Variants in MED28 observed in about 807,000 individuals in gnomAD.
MED28 encodes mediator complex subunit 28.
A neutral mutation model predicts 21.3 loss-of-function variants in MED28; 26 were observed. The ratio of observed to expected loss-of-function variants is 1.22; its 90% CI spans 0.89 to 1.69. The LOEUF (loss-of-function observed/expected upper bound fraction) is 1.69. Ranked by LOEUF, MED28 falls within the 40% of genes most tolerant of loss-of-function variation. MED28 has a pLI of 0.00. For missense variants in MED28, 257 were observed against 215.4 expected (o/e 1.19, Z -1.21); for synonymous variants, 110 against 87.6 (o/e 1.26, Z -1.43).
chr4:17,618,575 G>A (rs1714525299), intron 1 of MED28, among the ~76,000 whole-genome samples: 1 of 152,102 alleles, frequency 6.6e-6, no homozygotes, highest in Non-Finnish European at 1.5e-5. Flanking sequence ...GGAGTGCAGT[G>A]GTGCAGTCTT....
chr4:17,617,345 G>T (rs1714482659), intron 1 of MED28, among the ~76,000 whole-genome samples: 2 of 152,188 alleles, frequency 1.3e-5, no homozygotes, highest in Admixed American at 1.3e-4. Context: ...ATTCCTATTG[G>T]GGTGCCACTC....
rs1553824076 is a variant in MED28 at position 17,614,693 on chromosome 4, A to G, written c.39A>G (p.Pro13=). Residue 13 remains proline (P), a synonymous_variant, in exon 1 of 4, where the codon CCA becomes CCG. Coordinates refer to ENST00000237380, the MANE Select transcript of MED28 (RefSeq NM_025205.5). ...APLGGMFSGQ[P]PGPPQAPPGL... ...TAGGGGGTATGTTTTCTGGGCAGCC[A>G]CCCGGTCCCCCTCAGGCCCCGCCGG... is the stretch of plus-strand genomic sequence containing the variant. The G allele has an allele frequency of 6.2e-7, 1 of 1,613,738 alleles. No individual in the cohort carries two copies. Among genetic ancestry groups the G allele is most frequent in the Admixed American group, 1.7e-5 (1 of 59,902 alleles).
chr4:17,622,634 G>T (rs916841980), intron 3 of MED28, among the ~76,000 whole-genome samples: 1 of 152,242 alleles, frequency 6.6e-6, no homozygotes, highest in Non-Finnish European at 1.5e-5. Context: ...GTTCTCAGCA[G>T]TAGCCTTTGG....
chr4:17,619,860 A>G, intron 1 of MED28, 41 bp from the exon 2 acceptor site: 1 of 1,574,682 alleles, frequency 6.4e-7, no homozygotes, highest in Non-Finnish European at 8.7e-7. Context: ...TTTTTGATGT[A>G]TAAATGATAT....
In MED28 at chr4:17,625,572, G is replaced by GT. The variant is rs1560159267; in HGVS notation, c.*1775dup. The GT allele has an allele frequency of 4.8e-6, 2 of 412,792 alleles. No homozygotes were observed. The highest frequency in any genetic ancestry group is 4.1e-5 in the African/African-American group (2 of 48,614). The allele number at this position is 412,792 out of a possible 1,614,324, so 25.6% of individuals were successfully genotyped here. A position where few individuals can be genotyped will look rare whatever the true frequency, so the allele number is the denominator to read the frequency against. ...CTTAGTGAAAAGATTTTGAATTACTGTACGTACCAGTTGTTGCCATTTCTT... is the reference window on the plus strand; with the variant it reads ...CTTAGTGAAAAGATTTTGAATTACTGTTACGTACCAGTTGTTGCCATTTCTT... On this transcript the variant is annotated 3_prime_UTR_variant, in exon 4 of 4. Coordinates refer to ENST00000237380, the MANE Select transcript of MED28 (RefSeq NM_025205.5).
In MED28 at chr4:17,629,561, TCA is replaced by T. The variant is rs1434821851; in HGVS notation, c.*5764_*5765del. 1 of 152,216 alleles carries T rather than the reference TCA, an allele frequency of 6.6e-6. No individual in the cohort carries two copies. The highest frequency in any genetic ancestry group is 2.4e-5 in the African/African-American group (1 of 41,454). 9.4% of individuals were successfully genotyped at this position (152,216 alleles called of 1,614,324 possible). On this transcript the variant is annotated 3_prime_UTR_variant, in exon 4 of 4. Coordinates refer to ENST00000237380, the MANE Select transcript of MED28 (RefSeq NM_025205.5). The stretch of plus-strand genomic sequence containing the variant: ...TCATGTGGAACAGATAGTATTCCTT[TCA>T]GTTTTGCTGCAGGAACATATTAACT...
intron 1 of MED28, among the ~76,000 whole-genome samples, chr4:17,617,436 G>A (rs1319160371): frequency 3.3e-5 from 5 of 152,182 alleles, no homozygotes; most frequent in African/African-American, 9.7e-5. Flanking sequence ...ATGCACTCTT[G>A]ATTTTGGAGG....
chr4:17,624,036 A>C lies in MED28; in HGVS notation c.*238A>C. Reference sequence around the variant, plus strand: ...AAGTATTTTTTTTTTGTCTTTAGCAAAGTTTAGACTGTGAATATGATGACA... The same window carrying C: ...AAGTATTTTTTTTTTGTCTTTAGCACAGTTTAGACTGTGAATATGATGACA... On this transcript the variant is annotated 3_prime_UTR_variant, in exon 4 of 4. Transcript: ENST00000237380. 1 of 512,504 alleles carries C rather than the reference A, an allele frequency of 2.0e-6. No homozygotes were observed. The highest frequency in any genetic ancestry group is 3.5e-6 in the Non-Finnish European group (1 of 285,792). The allele number at this position is 512,504 out of a possible 1,614,324, so 31.7% of individuals were successfully genotyped here.
Position 17,632,554 on chromosome 4 carries a change from A to T in MED28, c.*8756A>T. On this transcript the variant is annotated 3_prime_UTR_variant, in exon 4 of 4. Transcript: ENST00000237380. ...AGCTTAGAAAGAAAAGTACTTGGTG[A>T]ACCATTCCTGGTGCGGAGAGCCCTG... The T allele has an allele frequency of 6.4e-7, 1 of 1,551,384 alleles. No homozygotes were observed. Among genetic ancestry groups the T allele is most frequent in the Non-Finnish European group, 8.7e-7 (1 of 1,146,750 alleles).
Position 17,625,746 on chromosome 4 carries a change from C to G in MED28, c.*1948C>G. On this transcript the variant is annotated 3_prime_UTR_variant, in exon 4 of 4. Transcript: ENST00000237380. ...AAATCACAAGCCATCTTCTCAAGTT[C>G]CCCTAGAAACCTGTGGAATGCCCTC... 2.3e-6 allele frequency: 1 copy of G among 428,158 alleles called. No homozygotes were observed. Among genetic ancestry groups the G allele is most frequent in the South Asian group, 1.7e-5 (1 of 59,992 alleles). 26.5% of individuals were successfully genotyped at this position (428,158 alleles called of 1,614,324 possible).
At position 17,630,684 on chromosome 4, in the gene MED28, GTGTTTGTT is replaced by G. The variant is rs956012092; in HGVS notation, c.*6889_*6896del. ...ATGGTGTGTTAATGTATGGTGACAA[GTGTTTGTT>G]TGCATTTAAAAATGCATTGGAGCCT... is the stretch of plus-strand genomic sequence containing the variant. On this transcript the variant is annotated 3_prime_UTR_variant, in exon 4 of 4. Transcript: ENST00000237380. 6.6e-6 allele frequency: 1 copy of G among 152,164 alleles called. No homozygotes were observed. The highest frequency in any genetic ancestry group is 6.5e-5 in the Admixed American group (1 of 15,272). 9.4% of individuals were successfully genotyped at this position (152,164 alleles called of 1,614,324 possible).
intron 1 of MED28, among the ~76,000 whole-genome samples, chr4:17,617,614 G>A (rs762839071): frequency 6.6e-6 from 1 of 152,144 alleles, no homozygotes; most frequent in Non-Finnish European, 1.5e-5. Flanking sequence ...TTAAAAAGCT[G>A]TTCTCTTTCT....
At position 17,628,857 on chromosome 4, in the gene MED28, A is replaced by G. The variant is rs1714844041; in HGVS notation, c.*5059A>G. The G allele has an allele frequency of 6.6e-6, 1 of 152,406 alleles. No homozygotes were observed. Among genetic ancestry groups the G allele is most frequent in the Admixed American group, 6.5e-5 (1 of 15,282 alleles). 9.4% of individuals were successfully genotyped at this position (152,406 alleles called of 1,614,324 possible). ...GGATTCCACCAGTGGTACCCTGGGA[A>G]AATATCCCTGTGGAGGGGAATGGGA... is the stretch of plus-strand genomic sequence containing the variant. On this transcript the variant is annotated 3_prime_UTR_variant, in exon 4 of 4. Transcript: ENST00000237380.
In MED28 at chr4:17,614,883, G is replaced by T. The variant is rs138425068; in HGVS notation, c.159+70G>T. 8 of 1,499,226 alleles carry T rather than the reference G, an allele frequency of 5.3e-6. No individual in the cohort carries two copies. In the East Asian group the frequency reaches 1.6e-4, roughly 30 times the overall value. The allele number at this position is 1,499,226 out of a possible 1,614,324, so 92.9% of individuals were successfully genotyped here. ...TCTGAAACGTGAACTGCGCGTACGC[G>T]TATCTCCTCCAGGGATCCGAGCAAC... On this transcript the variant is annotated intron_variant, in intron 1 of 3. Coordinates refer to ENST00000237380, the MANE Select transcript of MED28 (RefSeq NM_025205.5).
At position 17,623,895 on chromosome 4, in the gene MED28, C is replaced by T; in HGVS notation, c.*97C>T. On this transcript the variant is annotated 3_prime_UTR_variant, in exon 4 of 4. Coordinates refer to ENST00000237380, the MANE Select transcript of MED28 (RefSeq NM_025205.5). Reference sequence around the variant, plus strand: ...CTTGACATTTTGGAAGAACTCTTTGCCAGATAATGAGTTCATTTTAGTTTT... The same window carrying T: ...CTTGACATTTTGGAAGAACTCTTTGTCAGATAATGAGTTCATTTTAGTTTT... 1.5e-6 allele frequency: 2 copies of T among 1,337,926 alleles called. No homozygotes were observed. The highest frequency in any genetic ancestry group is 2.1e-6 in the Non-Finnish European group (2 of 973,154). The allele number at this position is 1,337,926 out of a possible 1,614,324, so 82.9% of individuals were successfully genotyped here.
intron 1 of MED28, among the ~76,000 whole-genome samples, chr4:17,618,586 G>A (rs1714525594): frequency 6.6e-6 from 1 of 152,048 alleles, no homozygotes; most frequent in Non-Finnish European, 1.5e-5. Context: ...GTGCAGTCTT[G>A]GCTCACTGCA....
chr4:17,616,193 G>A (rs1207574281), intron 1 of MED28, among the ~76,000 whole-genome samples: 1 of 152,158 alleles, frequency 6.6e-6, no homozygotes, highest in Non-Finnish European at 1.5e-5. Flanking sequence ...CTGACCTCGT[G>A]ATCCACCCGC....
At chr4:17,619,062 C>T (rs1714541156) in intron 1 of MED28, among the ~76,000 whole-genome samples, 1 of 152,216 alleles carries the variant, frequency 6.6e-6, no homozygotes, top group African/African-American at 2.4e-5. Context: ...TTTGAGGCTT[C>T]TTTTCTAACT....
Position 17,632,640 on chromosome 4 carries a change from A to C in MED28, c.*8842A>C. On this transcript the variant is annotated 3_prime_UTR_variant, in exon 4 of 4. Transcript: ENST00000237380. ...CATCTGGGGTCCTAAAAGCAAAAAA[A>C]GGTTTTTTTATATGGTTTTGAAAAC... The C allele has an allele frequency of 6.5e-7, 1 of 1,529,148 alleles. No homozygotes were observed. The highest frequency in any genetic ancestry group is 8.9e-7 in the Non-Finnish European group (1 of 1,129,808). The allele number at this position is 1,529,148 out of a possible 1,614,324, so 94.7% of individuals were successfully genotyped here. A position where few individuals can be genotyped will look rare whatever the true frequency, so the allele number is the denominator to read the frequency against.
Sources: allele counts gnomAD v4.1 joint callset (sites outside exome capture counted in the v4.1 genomes callset), GRCh38; gene constraint gnomAD v4.1.1; transcripts MANE v1.5; gene names NCBI Gene and HGNC (gene_info 2026-07-23, HGNC 2026-07-21).